PNPT1: variants seen among roughly 807,000 people sequenced by gnomAD.
PNPT1 encodes polyribonucleotide nucleotidyltransferase 1, mitochondrial.
Under a neutral mutation model 119.5 loss-of-function variants are expected in PNPT1, and 53 were observed. The ratio of observed to expected loss-of-function variants is 0.44; its 90% CI spans 0.36 to 0.56. PNPT1 has a LOEUF of 0.56. Among genes scored for constraint, PNPT1 ranks in the 20% least tolerant of loss-of-function variants. The probability of loss-of-function intolerance (pLI) is 0.00; values close to 1 mark genes in which losing one functional copy is unlikely to be tolerated. For synonymous variants in PNPT1, 357 were observed against 322.1 expected (o/e 1.11, Z -1.16); for missense variants, 948 against 938.5 (o/e 1.01, Z -0.13).
Position 55,642,605 on chromosome 2 carries a change from C to CAAAA in PNPT1, c.2069+549_2069+552dup, listed in dbSNP as rs559417017. 5.0e-4 allele frequency among the ~76,000 whole-genome samples: 22 copies of CAAAA among 44,190 alleles called. No individual in the cohort carries two copies. The East Asian group carries it at 5.0e-3, about 10-fold the overall frequency. The allele number at this position is 44,190 out of a possible 152,430, so 29.0% of individuals were successfully genotyped here. ...TGGGTGACAGAGCGAGACTCTGTCCCAAAAAAAAAAAAAAAAAAAAAAAAG... is the reference window on the plus strand; with the variant it reads ...TGGGTGACAGAGCGAGACTCTGTCCCAAAAAAAAAAAAAAAAAAAAAAAAAAAAG... On this transcript the variant is annotated intron_variant, in intron 25 of 27. Coordinates refer to ENST00000447944, the MANE Select transcript of PNPT1 (RefSeq NM_033109.5).
At chr2:55,636,871 A>AAAC (rs144358783) in intron 27 of PNPT1, among the ~76,000 whole-genome samples, 4,607 of 151,422 alleles carry the variant, frequency 0.03, 104 homozygotes, top group South Asian at 0.088. Context: ...TCTGATGTGA[A>AAAC]AACAACAACA....
chr2:55,678,131 A>G (rs559580886), intron 8 of PNPT1, among the ~76,000 whole-genome samples: 209 of 152,324 alleles, frequency 1.4e-3, no homozygotes, highest in African/African-American at 5.0e-3. Context: ...TCTTATCTTC[A>G]TAACTACCCT....
At chr2:55,690,476 T>G (rs899719161) in intron 1 of PNPT1, among the ~76,000 whole-genome samples, 3 of 152,204 alleles carry the variant, frequency 2.0e-5, no homozygotes, top group Non-Finnish European at 4.4e-5. Flanking sequence ...CCAAGTAAGA[T>G]TATTCTGTCT....
chr2:55,669,145 G>A (rs1325605387), intron 11 of PNPT1, among the ~76,000 whole-genome samples: 1 of 151,916 alleles, frequency 6.6e-6, no homozygotes, highest in East Asian at 1.9e-4. Context: ...TTAAAGGGGT[G>A]AAGTACTGTG....
Position 55,661,920 on chromosome 2 carries a change from A to T in PNPT1, c.1247+36T>A, listed in dbSNP as rs556992429. On this transcript the variant is annotated intron_variant, in intron 14 of 27. Coordinates refer to ENST00000447944, the MANE Select transcript of PNPT1 (RefSeq NM_033109.5). Reference sequence around the variant, plus strand: ...AGCTTTAATTATATAATAGAACATCATAAAACGTAACAAACATCTTAAAAA... The same window carrying T: ...AGCTTTAATTATATAATAGAACATCTTAAAACGTAACAAACATCTTAAAAA... The T allele has an allele frequency of 9.9e-6, 15 of 1,508,716 alleles. No homozygotes were observed. In the South Asian group the frequency reaches 1.9e-4, roughly 19 times the overall value. 93.5% of individuals were successfully genotyped at this position (1,508,716 alleles called of 1,614,324 possible).
intron 2 of PNPT1, among the ~76,000 whole-genome samples, chr2:55,686,733 T>C (rs1697416727): frequency 6.6e-6 from 1 of 152,174 alleles, no homozygotes; most frequent in African/African-American, 2.4e-5. Flanking sequence ...AATTCCCCAA[T>C]TATTACTATA....
chr2:55,676,262 C>CAAAAAAAAAAAAAAAAAAAAAA, intron 8 of PNPT1, among the ~76,000 whole-genome samples: 1 of 82,852 alleles, frequency 1.2e-5, no homozygotes, highest in Non-Finnish European at 2.1e-5. Context: ...CCATCTCAAC[C>CAAAAAAAAAAAAAAAAAAAAAA]AAAAAAAAAA....
chr2:55,675,684 G>C (rs1446234415), intron 8 of PNPT1, among the ~76,000 whole-genome samples: 1 of 152,054 alleles, frequency 6.6e-6, no homozygotes, highest in Non-Finnish European at 1.5e-5. Flanking sequence ...GCAACAGAGT[G>C]AGACTGTCTT....
intron 18 of PNPT1, among the ~76,000 whole-genome samples, chr2:55,653,132 G>A (rs998887329): frequency 3.3e-5 from 5 of 152,230 alleles, no homozygotes; most frequent in Admixed American, 2.0e-4. Context: ...ACAGGAATGA[G>A]CCACTGTGCC....
intron 8 of PNPT1, among the ~76,000 whole-genome samples, chr2:55,675,900 C>T (rs1697051950): frequency 6.6e-6 from 1 of 152,166 alleles, no homozygotes; most frequent in Admixed American, 6.5e-5. Flanking sequence ...ACATTCCCTT[C>T]ACTGCAGAGT....
intron 26 of PNPT1, among the ~76,000 whole-genome samples, chr2:55,640,066 T>C (rs1221686273): frequency 6.6e-6 from 1 of 152,214 alleles, no homozygotes; most frequent in African/African-American, 2.4e-5. Flanking sequence ...GTTTTTGTTT[T>C]CTTGTTGCAT....
chr2:55,692,682 G>C (rs1697654242), intron 1 of PNPT1, among the ~76,000 whole-genome samples: 1 of 152,126 alleles, frequency 6.6e-6, no homozygotes, highest in African/African-American at 2.4e-5. Context: ...GAGGGTAATA[G>C]TACCTTTACG....
Position 55,636,174 on chromosome 2 carries a change from G to T in PNPT1, c.*63C>A. ...ACACAATGGAAGATACTACTAAAAT[G>T]TTGCTCTACAGCACATCACCCTAGA... is the stretch of plus-strand genomic sequence containing the variant. On this transcript the variant is annotated 3_prime_UTR_variant, in exon 28 of 28. Coordinates refer to ENST00000447944, the MANE Select transcript of PNPT1 (RefSeq NM_033109.5). 8.1e-7 allele frequency: 1 copy of T among 1,235,326 alleles called. No homozygotes were observed. The highest frequency in any genetic ancestry group is 1.1e-6 in the Non-Finnish European group (1 of 891,320). 76.5% of individuals were successfully genotyped at this position (1,235,326 alleles called of 1,614,324 possible).
chr2:55,660,074 A>T (rs745641463), intron 15 of PNPT1, 83 bp downstream of exon 15: 4 of 1,374,680 alleles, frequency 2.9e-6, no homozygotes, highest in Non-Finnish European at 3.9e-6. Flanking sequence ...ACTCCACTCC[A>T]GCCTGGACAA....
chr2:55,661,451 A>G (rs1351078447), intron 14 of PNPT1, among the ~76,000 whole-genome samples: 1 of 152,160 alleles, frequency 6.6e-6, no homozygotes, highest in African/African-American at 2.4e-5. Flanking sequence ...GATTCTTATC[A>G]TCGGAATTGA....
intron 18 of PNPT1, among the ~76,000 whole-genome samples, chr2:55,651,294 A>G (rs1260147512): frequency 8.5e-5 from 13 of 152,086 alleles, no homozygotes; most frequent in African/African-American, 3.1e-4. Flanking sequence ...CTCATTGAGA[A>G]CGGGCCATGA....
intron 1 of PNPT1, among the ~76,000 whole-genome samples, chr2:55,693,028 A>G (rs1697670901): frequency 6.6e-6 from 1 of 150,852 alleles, no homozygotes; most frequent in East Asian, 1.9e-4. Flanking sequence ...CTTTCTGATG[A>G]CCTTGTTCCC....
In PNPT1 at chr2:55,646,305, A is replaced by T. The variant is rs780376610; in HGVS notation, c.1692T>A (p.Pro564=). Residue 564 remains proline (P), a synonymous_variant, in exon 21 of 28, where the codon CCT becomes CCA. Coordinates refer to ENST00000447944, the MANE Select transcript of PNPT1 (RefSeq NM_033109.5). The part of the protein sequence containing the change: ...ITALQADIKL[P]GIPIKIVMEA... ...CCATCACAATTTTTATTGGTATTCC[A>T]GGTAATTTAATATCAGCCTAATATG... 6.2e-6 allele frequency: 10 copies of T among 1,612,810 alleles called. No individual in the cohort carries two copies. The African/African-American group carries it at 1.2e-4, about 19-fold the overall frequency.
At position 55,667,251 on chromosome 2, in the gene PNPT1, A is replaced by G. The variant is rs527960345; in HGVS notation, c.1074-158T>C. 2.6e-5 allele frequency among the ~76,000 whole-genome samples: 4 copies of G among 152,250 alleles called. No homozygotes were observed. In the East Asian group the frequency reaches 7.7e-4, roughly 29 times the overall value. ...ATACTTGAGCACTATCCTGAATATC[A>G]CTGAATCAGAATGTCTGAAGTTGAA... On this transcript the variant is annotated intron_variant, in intron 12 of 27. Coordinates refer to ENST00000447944, the MANE Select transcript of PNPT1 (RefSeq NM_033109.5).
Sources: gnomAD v4.1 joint callset for allele counts (sites outside exome capture counted in the v4.1 genomes callset) on GRCh38, gnomAD v4.1.1 for gene constraint, MANE v1.5 for transcripts, NCBI Gene and HGNC (gene_info 2026-07-23, HGNC 2026-07-21) for gene names.